PRKG1: variants seen among roughly 807,000 people sequenced by gnomAD.
PRKG1 encodes the protein cGMP-dependent protein kinase 1.
Under a neutral mutation model 88.1 loss-of-function variants are expected in PRKG1, and 35 were observed. The ratio of observed to expected loss-of-function variants is 0.40; its 90% CI spans 0.30 to 0.53. PRKG1 has a LOEUF of 0.53. Among genes scored for constraint, PRKG1 ranks in the 20% least tolerant of loss-of-function variants. The probability of loss-of-function intolerance (pLI) is 0.59; values close to 1 mark genes in which losing one functional copy is unlikely to be tolerated. For synonymous variants in PRKG1, 303 were observed against 292.5 expected, an observed-to-expected ratio of 1.04 and a Z score of -0.37; for missense variants, 540 against 839.8, an observed-to-expected ratio of 0.64 and a Z score of 4.41.
intron 2 of PRKG1, among the ~76,000 whole-genome samples, chr10:51,362,084 G>T (rs1192271650): frequency 6.6e-6 from 1 of 151,760 alleles, no homozygotes; most frequent in East Asian, 1.9e-4. Context: ...TTACATTTTG[G>T]ACATCTAGTC....
chr10:51,161,684 T>C (rs994865329), intron 2 of PRKG1, among the ~76,000 whole-genome samples: 1 of 152,214 alleles, frequency 6.6e-6, no homozygotes, highest in African/African-American at 2.4e-5. Flanking sequence ...TACACATTTT[T>C]CCCATCTTAT....
chr10:51,774,851 A>T (rs551288760), intron 3 of PRKG1, among the ~76,000 whole-genome samples: 1 of 152,262 alleles, frequency 6.6e-6, no homozygotes, highest in South Asian at 2.1e-4. Context: ...AAAGCTCATA[A>T]ATTAATGTGC....
intron 1 of PRKG1, among the ~76,000 whole-genome samples, chr10:51,093,605 G>T (rs1397861543): frequency 1.3e-5 from 2 of 148,692 alleles, no homozygotes; most frequent in Non-Finnish European, 1.5e-5. Flanking sequence ...GTCAACTCTT[G>T]TTTTTTTAAT....
chr10:51,652,257 A>G (rs943920443), intron 3 of PRKG1, among the ~76,000 whole-genome samples: 1 of 152,084 alleles, frequency 6.6e-6, no homozygotes, highest in Non-Finnish European at 1.5e-5. Context: ...TAATGGAATG[A>G]TGTTAATATT....
At chr10:51,357,215 A>T (rs991894118) in intron 2 of PRKG1, among the ~76,000 whole-genome samples, 1 of 152,016 alleles carries the variant, frequency 6.6e-6, no homozygotes, top group African/African-American at 2.4e-5. Flanking sequence ...AGGCAAGTAG[A>T]TTTTTAGGCT....
chr10:51,064,996 T>TA (rs1843732769), intron 1 of PRKG1, among the ~76,000 whole-genome samples: 1 of 152,114 alleles, frequency 6.6e-6, no homozygotes, highest in African/African-American at 2.4e-5. Flanking sequence ...GAACTTTGTT[T>TA]AAATCTTAAC....
At chr10:51,385,099 T>G (rs957210009) in intron 2 of PRKG1, among the ~76,000 whole-genome samples, 3 of 152,208 alleles carry the variant, frequency 2.0e-5, no homozygotes, top group Non-Finnish European at 4.4e-5. Context: ...TTGAAGTTAC[T>G]AATAAAAACA....
At chr10:51,964,945 C>T (rs1843531814) in intron 5 of PRKG1, among the ~76,000 whole-genome samples, 1 of 151,910 alleles carries the variant, frequency 6.6e-6, no homozygotes, top group Non-Finnish European at 1.5e-5. Context: ...TCAAAGTATT[C>T]AAAAATTGGA....
At chr10:51,507,947 T>A (rs756387517) in intron 3 of PRKG1, among the ~76,000 whole-genome samples, 143 of 152,290 alleles carry the variant, frequency 9.4e-4, no homozygotes, top group Non-Finnish European at 1.6e-3. Flanking sequence ...TAATTTTTTT[T>A]AAACTTAAAT....
intron 2 of PRKG1, among the ~76,000 whole-genome samples, chr10:51,416,613 A>G (rs1342852154): frequency 6.6e-6 from 1 of 152,216 alleles, no homozygotes; most frequent in Non-Finnish European, 1.5e-5. Flanking sequence ...ACAAGGAAAC[A>G]TGATAATGCT....
intron 5 of PRKG1, among the ~76,000 whole-genome samples, chr10:52,032,045 T>A (rs1845487848): frequency 6.6e-6 from 1 of 152,184 alleles, no homozygotes; most frequent in Non-Finnish European, 1.5e-5. Context: ...CTGAATATTA[T>A]GCCATGGAGA....
At chr10:52,085,923 A>T (rs902411995) in intron 7 of PRKG1, among the ~76,000 whole-genome samples, 2 of 152,158 alleles carry the variant, frequency 1.3e-5, no homozygotes, top group Admixed American at 6.6e-5. Context: ...AAAATCTAGT[A>T]AAAAAAGTTA....
At chr10:52,024,550 A>G (rs906312225) in intron 5 of PRKG1, among the ~76,000 whole-genome samples, 2 of 151,948 alleles carry the variant, frequency 1.3e-5, no homozygotes, top group Non-Finnish European at 2.9e-5. Flanking sequence ...TCATTGTTCA[A>G]TTGCCACCTA....
intron 9 of PRKG1, among the ~76,000 whole-genome samples, chr10:52,207,917 A>G (rs935735680): frequency 1.3e-5 from 2 of 151,322 alleles, no homozygotes; most frequent in African/African-American, 4.9e-5. Context: ...CCAATGTTCA[A>G]GTCTCTCAGT....
At chr10:52,175,482 T>G (rs890900578) in intron 9 of PRKG1, among the ~76,000 whole-genome samples, 1 of 152,154 alleles carries the variant, frequency 6.6e-6, no homozygotes, top group Non-Finnish European at 1.5e-5. Context: ...TTCAATATAC[T>G]GATTTCCTTT....
At chr10:51,126,259 A>AAT (rs1279634920) in intron 1 of PRKG1, among the ~76,000 whole-genome samples, 138 of 8,602 alleles carry the variant, frequency 0.016, no homozygotes, top group African/African-American at 0.028. Flanking sequence ...AATTATTTAT[A>AAT]TATTTATTTA....
intron 7 of PRKG1, among the ~76,000 whole-genome samples, chr10:52,113,702 G>T (rs527512984): frequency 1.3e-5 from 2 of 152,096 alleles, no homozygotes; most frequent in Non-Finnish European, 2.9e-5. Context: ...AATGATCATT[G>T]TAAGTCTCAT....
chr10:51,055,090 T>C (rs1196220690), intron 1 of PRKG1, among the ~76,000 whole-genome samples: 1 of 152,194 alleles, frequency 6.6e-6, no homozygotes, highest in African/African-American at 2.4e-5. Context: ...TACACACACT[T>C]CCCAAGAGCT....
At chr10:51,214,987 A>G (rs1838333092) in intron 2 of PRKG1, among the ~76,000 whole-genome samples, 1 of 152,198 alleles carries the variant, frequency 6.6e-6, no homozygotes. Context: ...CTTTTAAGTG[A>G]CCTTGTCACT....
Sources: allele counts gnomAD v4.1 joint callset (sites outside exome capture counted in the v4.1 genomes callset), GRCh38; gene constraint gnomAD v4.1.1; transcripts MANE v1.5; gene names NCBI Gene and HGNC (gene_info 2026-07-23, HGNC 2026-07-21).